ARHGAP21: variants seen among roughly 807,000 people sequenced by gnomAD.
The protein encoded by ARHGAP21 is rho GTPase-activating protein 21.
In ARHGAP21, 38 loss-of-function variants were observed where a neutral mutation model predicts 164.6. The ratio of observed to expected loss-of-function variants is 0.23; its 90% confidence interval spans 0.18 to 0.30. The LOEUF (loss-of-function observed/expected upper bound fraction) is 0.30. Ranked by LOEUF, ARHGAP21 falls within the 10% of genes least tolerant of loss-of-function variation. The probability of loss-of-function intolerance (pLI) is 1.00; values close to 1 mark genes in which losing one functional copy is unlikely to be tolerated. For missense variants in ARHGAP21, 1,822 were observed against 2,370.7 expected, an observed-to-expected ratio of 0.77 and a Z score of 4.81; for synonymous variants, 766 against 857.9, an observed-to-expected ratio of 0.89 and a Z score of 1.87.
chr10:24,591,164 T>C (rs1043432112), intron 24 of ARHGAP21, 61 bp downstream of exon 24: 37 of 1,350,354 alleles, frequency 2.7e-5, no homozygotes, highest in Non-Finnish European at 3.8e-5. Flanking sequence ...TGATTTGCTC[T>C]TTCATATTGT....
chr10:24,642,919 A>G (rs1426550790), intron 4 of ARHGAP21, among the ~76,000 whole-genome samples: 1 of 152,234 alleles, frequency 6.6e-6, no homozygotes, highest in African/African-American at 2.4e-5. Flanking sequence ...AATTAAAATT[A>G]GAGCCCTGGA....
At chr10:24,652,680 A>G (rs913911986) in intron 4 of ARHGAP21, among the ~76,000 whole-genome samples, 3 of 152,224 alleles carry the variant, frequency 2.0e-5, no homozygotes, top group African/African-American at 7.2e-5. Flanking sequence ...CAACCTCATT[A>G]GTCTTCAGGA....
intron 2 of ARHGAP21, among the ~76,000 whole-genome samples, chr10:24,670,728 C>T (rs1565136888): frequency 6.6e-6 from 1 of 151,980 alleles, no homozygotes. Context: ...TTTTAAAGAG[C>T]ACTATGGATT....
chr10:24,712,146 C>T (rs965814376), intron 2 of ARHGAP21, among the ~76,000 whole-genome samples: 5 of 152,082 alleles, frequency 3.3e-5, no homozygotes, highest in African/African-American at 1.2e-4. Context: ...GAACTCCTGA[C>T]CTCAAGTGAT....
intron 9 of ARHGAP21, among the ~76,000 whole-genome samples, chr10:24,617,460 T>C (rs1339171043): frequency 6.6e-6 from 1 of 152,150 alleles, no homozygotes; most frequent in Non-Finnish European, 1.5e-5. Flanking sequence ...TTGCCTTCTA[T>C]AAAATATCTA....
At chr10:24,593,841 T>C (rs1293594776) in intron 21 of ARHGAP21, among the ~76,000 whole-genome samples, 1 of 152,122 alleles carries the variant, frequency 6.6e-6, no homozygotes, top group Non-Finnish European at 1.5e-5. Flanking sequence ...AGTATGAATT[T>C]CTGGCAACAG....
chr10:24,613,982 A>T (rs1028575208), intron 9 of ARHGAP21, among the ~76,000 whole-genome samples: 1 of 152,210 alleles, frequency 6.6e-6, no homozygotes, highest in African/African-American at 2.4e-5. Flanking sequence ...GGGCCAGTGT[A>T]CAAGCGTGTG....
At chr10:24,624,824 T>C (rs1378438720) in intron 7 of ARHGAP21, among the ~76,000 whole-genome samples, 1 of 152,122 alleles carries the variant, frequency 6.6e-6, no homozygotes, top group East Asian at 1.9e-4. Context: ...CATTTAAATT[T>C]TTCCCAATTT....
intron 21 of ARHGAP21, among the ~76,000 whole-genome samples, chr10:24,592,712 G>C (rs1216075011): frequency 6.7e-6 from 1 of 150,362 alleles, no homozygotes; most frequent in Non-Finnish European, 1.5e-5. Flanking sequence ...TTGCAGCCTG[G>C]GCGACAGAGT....
At chr10:24,601,094 T>A (rs1252391521) in intron 13 of ARHGAP21, among the ~76,000 whole-genome samples, 164 bp from the exon 14 acceptor site, 4 of 152,128 alleles carry the variant, frequency 2.6e-5, no homozygotes, top group Non-Finnish European at 5.9e-5. Flanking sequence ...AGGATAAAAA[T>A]TGTGGAGCAT....
Position 24,619,563 on chromosome 10 carries a change from G to A in ARHGAP21, c.2332C>T (p.Arg778Cys), listed in dbSNP as rs370580413. ...ATTCTTTTTATGTGGACCTCTCGAC[G>A]TGCATCATTGGGCAGCCAGCAGGTA... ...DTTCWLPNDARREVHIKRMEE... is the reference protein window; with the variant it reads ...DTTCWLPNDACREVHIKRMEE... Residue 778 changes from arginine (R) to cysteine (C), a missense_variant, in exon 9 of 26, where the codon CGT becomes TGT. Around this residue, in one of 5 missense-constraint regions of ARHGAP21, gnomAD observed 1,090 missense variants for 1,378.9 expected, o/e 0.79. Coordinates refer to ENST00000396432, the MANE Select transcript of ARHGAP21 (RefSeq NM_020824.4). The A allele has an allele frequency of 3.7e-6, 6 of 1,614,014 alleles. No individual in the cohort carries two copies. Among genetic ancestry groups the A allele is most frequent in the African/African-American group, 2.7e-5 (2 of 74,898 alleles).
chr10:24,597,481 C>G lies in ARHGAP21; in HGVS notation c.3300G>C (p.Pro1100=). ...GAAGTTTCCTTTCCGACTCTTCCTT[C>G]GGAGAGTGTGGGCTTTGAGTCTTTG... ...SEPKTQSPHS[P]KEESERKLLS... is the part of the protein sequence containing the mutation. The change falls in exon 16 of 26, where the codon CCG becomes CCC. Residue 1100 remains proline (P), a synonymous_variant. Coordinates refer to ENST00000396432, the MANE Select transcript of ARHGAP21 (RefSeq NM_020824.4). 6.2e-7 allele frequency: 1 copy of G among 1,614,074 alleles called. No individual in the cohort carries two copies. The highest frequency in any genetic ancestry group is 8.5e-7 in the Non-Finnish European group (1 of 1,179,962).
chr10:24,656,067 C>T (rs531626941), intron 4 of ARHGAP21, among the ~76,000 whole-genome samples: 4,328 of 147,470 alleles, frequency 0.029, 247 homozygotes, highest in African/African-American at 0.11. Flanking sequence ...GCAGCTGCCC[C>T]GTCTAAGAAG....
At chr10:24,697,360 G>T (rs1207039291) in intron 2 of ARHGAP21, among the ~76,000 whole-genome samples, 2 of 152,034 alleles carry the variant, frequency 1.3e-5, no homozygotes, top group African/African-American at 4.8e-5. Context: ...GAGACAAAAA[G>T]AAAGCAAGAA....
chr10:24,676,129 T>G (rs1026878700), intron 2 of ARHGAP21, among the ~76,000 whole-genome samples: 1 of 151,992 alleles, frequency 6.6e-6, no homozygotes, highest in Admixed American at 6.6e-5. Context: ...CTGGGCAACA[T>G]AGAGAGAGAC....
intron 2 of ARHGAP21, among the ~76,000 whole-genome samples, chr10:24,705,062 T>C (rs542893095): frequency 6.6e-6 from 1 of 152,266 alleles, no homozygotes; most frequent in African/African-American, 2.4e-5. Flanking sequence ...CTAGATTCTA[T>C]TGCAACTCAA....
Position 24,595,377 on chromosome 10 carries a change from C to G in ARHGAP21, c.3713-187G>C, listed in dbSNP as rs557578888. Among the ~76,000 whole-genome samples, 19 of 152,182 alleles carry G rather than the reference C, an allele frequency of 1.2e-4. No homozygotes were observed. The South Asian group carries it at 3.5e-3, about 28-fold the overall frequency. On this transcript the variant is annotated intron_variant, in intron 19 of 25. Transcript: ENST00000396432. ...ATATTTACACAGCCTGTCCATTCCT[C>G]CCCCACCCTCCAACAACATCTAGTA...
chr10:24,589,533 T>C (rs1261018438), intron 24 of ARHGAP21: 6 of 472,552 alleles, frequency 1.3e-5, no homozygotes, highest in African/African-American at 4.1e-5. Context: ...ATGATAGAAA[T>C]GGCAAAGGAG....
intron 4 of ARHGAP21, among the ~76,000 whole-genome samples, chr10:24,648,090 CG>C (rs1253873650): frequency 6.6e-6 from 1 of 152,158 alleles, no homozygotes; most frequent in Non-Finnish European, 1.5e-5. Flanking sequence ...CCACCCACCC[CG>C]GCCTCCCATA....
Sources: allele counts gnomAD v4.1 joint callset (sites outside exome capture counted in the v4.1 genomes callset), GRCh38; gene constraint gnomAD v4.1.1; regional missense constraint gnomAD v4.1.1; transcripts MANE v1.5; gene names NCBI Gene and HGNC (gene_info 2026-07-23, HGNC 2026-07-21).